The following CROCC variants were observed in gnomAD, a reference collection of about 807,000 sequenced individuals.
The protein encoded by CROCC is rootletin.
CROCC carries 180 observed loss-of-function variants against 245.2 expected under a neutral mutation model. The ratio of observed to expected loss-of-function variants is 0.73; its 90% CI spans 0.65 to 0.83. The LOEUF (loss-of-function observed/expected upper bound fraction) is 0.83. Among genes scored for constraint, CROCC ranks in the 40% least tolerant of loss-of-function variants. The pLI is 0.00. For synonymous variants in CROCC, 1,205 were observed against 1,241.6 expected, an observed-to-expected ratio of 0.97 and a Z score of 0.62; for missense variants, 2,688 against 2,779.4, an observed-to-expected ratio of 0.97 and a Z score of 0.74.
intron 14 of CROCC, 40 bp downstream of exon 14, chr1:16,944,322 G>A (rs1169916326): frequency 6.7e-7 from 1 of 1,482,066 alleles, no homozygotes; most frequent in Non-Finnish European, 9.0e-7. Context: ...CCCTTCAGAT[G>A]TGCCTCGGGT....
At chr1:16,937,605 G>C (rs1342399278) in intron 9 of CROCC, 36 bp from the exon 10 acceptor site, 1 of 1,549,046 alleles carries the variant, frequency 6.5e-7, no homozygotes, top group East Asian at 2.2e-5. Flanking sequence ...AGCTGGGGTG[G>C]TCCCGTATTC....
chr1:16,958,786 C>CTTTCCTGCT (rs1285493984), intron 26 of CROCC, 36 bp downstream of exon 26: 1 of 1,539,516 alleles, frequency 6.5e-7, no homozygotes, highest in South Asian at 1.2e-5. Flanking sequence ...TGCATCTTTC[C>CTTTCCTGCT]TTCCCCCAGC....
Position 16,954,704 on chromosome 1 carries a change from G to T in CROCC, c.3322-30G>T. 1 of 1,530,644 alleles carries T rather than the reference G, an allele frequency of 6.5e-7. No homozygotes were observed. Among genetic ancestry groups the T allele is most frequent in the African/African-American group, 1.4e-5 (1 of 72,810 alleles). The allele number at this position is 1,530,644 out of a possible 1,614,324, so 94.8% of individuals were successfully genotyped here. A position where few individuals can be genotyped will look rare whatever the true frequency, so the allele number is the denominator to read the frequency against. On this transcript the variant is annotated intron_variant, in intron 22 of 36. Transcript: ENST00000375541. The surrounding 1 kb of genome is among the most constrained non-coding windows in gnomAD (Gnocchi z 4.4). ...AGCCCGGGGCTGGGGGACACAGCAG[G>T]ACCAAGTCTGAGGAGCCCCTCTGTC...
rs755557812 is a variant in CROCC at position 16,944,167 on chromosome 1, C to A, written c.1876C>A (p.Arg626=). The A allele has an allele frequency of 1.8e-5, 28 of 1,556,184 alleles. No homozygotes were observed. The highest frequency in any genetic ancestry group is 2.3e-5 in the Non-Finnish European group (27 of 1,149,862). The part of the protein sequence containing the change: ...QQQAEELRQE[R]EKLQAAQEEL... Reference sequence around the variant, plus strand: ...GCAGGCCGAGGAGCTGCGGCAGGAGCGGGAGAAGCTGCAGGCTGCCCAGGA... The same window carrying A: ...GCAGGCCGAGGAGCTGCGGCAGGAGAGGGAGAAGCTGCAGGCTGCCCAGGA... Residue 626 remains arginine (R), a synonymous_variant, in exon 14 of 37, where the codon CGG becomes AGG. Coordinates refer to ENST00000375541, the MANE Select transcript of CROCC (RefSeq NM_014675.5).
At chr1:16,934,245 A>G (rs1464927016) in intron 8 of CROCC, among the ~76,000 whole-genome samples, 2 of 152,228 alleles carry the variant, frequency 1.3e-5, no homozygotes, top group African/African-American at 4.8e-5. Flanking sequence ...ACTATTAGAT[A>G]ACCAGTGGTA....
rs1334813541 is a variant in CROCC at position 16,958,576 on chromosome 1, C to T, written c.3865-7C>T. On this transcript the variant is annotated splice_region_variant and splice_polypyrimidine_tract_variant and intron_variant, in intron 25 of 36. Transcript: ENST00000375541. ...CTGAACCTGCTGCCATTCCCGTGCTCTCACAGATGAAGATGCTGGACAGTG... is the reference window on the plus strand; with the variant it reads ...CTGAACCTGCTGCCATTCCCGTGCTTTCACAGATGAAGATGCTGGACAGTG... The T allele has an allele frequency of 6.5e-7, 1 of 1,550,368 alleles. No individual in the cohort carries two copies. The highest frequency in any genetic ancestry group is 1.4e-5 in the African/African-American group (1 of 73,098).
intron 17 of CROCC, among the ~76,000 whole-genome samples, chr1:16,947,480 T>C (rs1280333976): frequency 6.8e-6 from 1 of 146,062 alleles, no homozygotes; most frequent in Non-Finnish European, 1.5e-5. Flanking sequence ...ATAATAATAA[T>C]AATAATAATA....
chr1:16,950,545 A>G (rs1335045371), intron 19 of CROCC, among the ~76,000 whole-genome samples: 1 of 152,066 alleles, frequency 6.6e-6, no homozygotes, highest in Admixed American at 6.6e-5. Flanking sequence ...TTTAGTAGAG[A>G]CAGGGTTTCA....
At position 16,930,573 on chromosome 1, in the gene CROCC, G is replaced by T; in HGVS notation, c.828G>T (p.Ala276=). 1 of 1,611,502 alleles carries T rather than the reference G, an allele frequency of 6.2e-7. No individual in the cohort carries two copies. The highest frequency in any genetic ancestry group is 1.1e-5 in the South Asian group (1 of 90,742). Residue 276 remains alanine (A), a synonymous_variant, in exon 7 of 37, where the codon GCG becomes GCT. Transcript: ENST00000375541. ...RCRKELEHRE[A]AWRREEESFN... ...GCAAGGAGCTGGAGCACCGGGAGGC[G>T]GCGTGGAGGCGCGAGGAGGAGGTGG...
Position 16,930,032 on chromosome 1 carries a change from G to A in CROCC, c.537+1G>A, listed in dbSNP as rs1378428952. 1 of 1,572,652 alleles carries A rather than the reference G, an allele frequency of 6.4e-7. No individual in the cohort carries two copies. Among genetic ancestry groups the A allele is most frequent in the Admixed American group, 1.9e-5 (1 of 53,828 alleles). The stretch of plus-strand genomic sequence containing the variant: ...GCTTGTGCAGCGGCTGCAGGGCAAG[G>A]TCAGGACCACCCACTCCTGCTCCTG... On this transcript the variant is annotated splice_donor_variant, in intron 4 of 36. Transcript: ENST00000375541. LOFTEE classifies it high-confidence loss of function.
intron 12 of CROCC, 84 bp downstream of exon 12, chr1:16,939,226 GC>G (rs2075865961): frequency 1.9e-6 from 2 of 1,065,286 alleles, no homozygotes; most frequent in Non-Finnish European, 2.5e-6. Context: ...GGGGGCGGGG[GC>G]AGGTCCGGGG....
chr1:16,914,863 G>A (rs1341329331), intron 1 of CROCC, among the ~76,000 whole-genome samples: 1 of 152,282 alleles, frequency 6.6e-6, no homozygotes, highest in Non-Finnish European at 1.5e-5. Flanking sequence ...ACTGGGGAAT[G>A]GGGACCCTGG....
chr1:16,943,343 C>T (rs1355216187), intron 13 of CROCC, among the ~76,000 whole-genome samples: 2 of 152,234 alleles, frequency 1.3e-5, no homozygotes, highest in East Asian at 3.8e-4. Context: ...TGAGACCATC[C>T]TGGCTAACAC....
At chr1:16,964,533 C>G (rs1223862528) in intron 27 of CROCC, among the ~76,000 whole-genome samples, 2 of 152,024 alleles carry the variant, frequency 1.3e-5, no homozygotes, top group Admixed American at 6.6e-5. Flanking sequence ...GGATTACAGG[C>G]GCCCGCCACC....
intron 3 of CROCC, among the ~76,000 whole-genome samples, chr1:16,925,085 G>A (rs2075503876): frequency 6.6e-6 from 1 of 152,284 alleles, no homozygotes. Flanking sequence ...GTGTGAGCCG[G>A]TGCGAGGGGT....
chr1:16,971,168 G>A (rs1415076287), intron 35 of CROCC, among the ~76,000 whole-genome samples: 1 of 151,802 alleles, frequency 6.6e-6, no homozygotes, highest in African/African-American at 2.4e-5. Flanking sequence ...GTCCAGATAG[G>A]TATTTACATG....
intron 25 of CROCC, among the ~76,000 whole-genome samples, chr1:16,958,100 C>CT (rs1417183613): frequency 6.6e-6 from 1 of 152,194 alleles, no homozygotes; most frequent in Non-Finnish European, 1.5e-5. Context: ...GGAGGTTACT[C>CT]TGACACTCTG....
rs760961944 is a variant in CROCC, at chr1:16,966,024, C to T, written c.4601C>T (p.Ala1534Val). 1.2e-6 allele frequency: 2 copies of T among 1,613,758 alleles called. No individual in the cohort carries two copies. Among genetic ancestry groups the T allele is most frequent in the Non-Finnish European group, 1.7e-6 (2 of 1,179,760 alleles). Residue 1534 changes from alanine to valine, a missense_variant, in exon 29 of 37, where the codon GCC becomes GTC. By Grantham distance (64) the Ala-to-Val change is moderately conservative (BLOSUM62 0). Around this residue, in one of 9 missense-constraint regions of CROCC, gnomAD observed 1,218 missense variants for 1,286.3 expected, o/e 0.95. Coordinates refer to ENST00000375541, the MANE Select transcript of CROCC (RefSeq NM_014675.5). This position sits in a 1 kb window ranked among gnomAD's most constrained non-coding sequence, Gnocchi z 4.8. ...GACGAACTTCGGACCCAGACCAGTG[C>T]CCTGAATCGCCAGCTGGCCGAGATG... The part of the protein sequence containing the change: ...ERDELRTQTS[A>V]LNRQLAEMEA...
intron 18 of CROCC, 37 bp downstream of exon 18, chr1:16,948,561 G>A (rs1186721975): frequency 2.7e-6 from 4 of 1,489,086 alleles, no homozygotes; most frequent in South Asian, 1.4e-5. Context: ...GCCCTGGGGG[G>A]TCCTCCTGGG....
Sources: allele counts gnomAD v4.1 joint callset (sites outside exome capture counted in the v4.1 genomes callset), GRCh38; gene constraint gnomAD v4.1.1; regional missense constraint gnomAD v4.1.1; non-coding constraint Gnocchi (gnomAD v3.1); transcripts MANE v1.5; gene names NCBI Gene and HGNC (gene_info 2026-07-23, HGNC 2026-07-21).